Variants in CSNK2A2IP observed in about 807,000 individuals in gnomAD.
The protein encoded by CSNK2A2IP is casein kinase 2 subunit alpha' interacting protein.
chr3:88,346,099 GCCAAAGCCAAAT>G, the CSNK2A2IP span, among the ~76,000 whole-genome samples: 1 of 151,994 alleles, frequency 6.6e-6, no homozygotes, highest in Admixed American at 6.6e-5. Flanking sequence ...ATTCCCTCAA[GCCAAAGCCAAAT>G]CCAGAGCAAG....
chr3:88,465,736 G>A, the CSNK2A2IP span: 1 of 1,231,686 alleles, frequency 8.1e-7, no homozygotes, highest in Non-Finnish European at 1.0e-6. Flanking sequence ...GCACTCCAAA[G>A]CTCAAACAAC....
At chr3:88,365,744 C>G in the CSNK2A2IP span, among the ~76,000 whole-genome samples, 1 of 152,084 alleles carries the variant, frequency 6.6e-6, no homozygotes, top group Admixed American at 6.6e-5. Context: ...ATAGGGTCAC[C>G]TGAAGCTTCT....
the CSNK2A2IP span, among the ~76,000 whole-genome samples, chr3:88,432,597 AT>A: frequency 6.6e-6 from 1 of 151,718 alleles, no homozygotes; most frequent in Non-Finnish European, 1.5e-5. Context: ...AGATAAGTAT[AT>A]CAAAACATGC....
chr3:88,401,977 G>A, the CSNK2A2IP span, among the ~76,000 whole-genome samples: 1 of 151,434 alleles, frequency 6.6e-6, no homozygotes, highest in African/African-American at 2.4e-5. Context: ...AAATGGGATG[G>A]GGGAACTGTC....
the CSNK2A2IP span, among the ~76,000 whole-genome samples, chr3:88,404,179 G>T: frequency 6.6e-6 from 1 of 152,072 alleles, no homozygotes; most frequent in Admixed American, 6.6e-5. Flanking sequence ...TGGGGAAGAA[G>T]CCCATAGACA....
the CSNK2A2IP span, among the ~76,000 whole-genome samples, chr3:88,374,795 C>T: frequency 1.3e-5 from 2 of 151,758 alleles, no homozygotes; most frequent in African/African-American, 4.8e-5. Context: ...TTGGGATCCA[C>T]TGTTGCTTCT....
chr3:88,380,734 C>T, the CSNK2A2IP span, among the ~76,000 whole-genome samples: 3 of 151,140 alleles, frequency 2.0e-5, no homozygotes, highest in Non-Finnish European at 4.4e-5. Context: ...AAGAAAGGAA[C>T]ATAATAACTA....
At chr3:88,394,112 GT>G in the CSNK2A2IP span, among the ~76,000 whole-genome samples, 566 of 152,262 alleles carry the variant, frequency 3.7e-3, 1 homozygote, top group Non-Finnish European at 5.5e-3. Context: ...AGAGCATTCA[GT>G]AAAAATTTAA....
chr3:88,358,165 CT>C, the CSNK2A2IP span, among the ~76,000 whole-genome samples: 2 of 152,086 alleles, frequency 1.3e-5, no homozygotes, highest in Non-Finnish European at 2.9e-5. Context: ...AGAAATGCTA[CT>C]GATTTTTGTA....
chr3:88,449,044 C>G, the CSNK2A2IP span, among the ~76,000 whole-genome samples: 3 of 152,088 alleles, frequency 2.0e-5, no homozygotes, highest in East Asian at 5.8e-4. Context: ...CCCTCTCTCT[C>G]CCTTTCTTCT....
the CSNK2A2IP span, among the ~76,000 whole-genome samples, chr3:88,463,655 A>G: frequency 2.6e-3 from 398 of 152,094 alleles, 2 homozygotes; most frequent in African/African-American, 8.9e-3. Context: ...GGAAACAACA[A>G]GTGCTGGAGA....
chr3:88,425,013 C>T, the CSNK2A2IP span, among the ~76,000 whole-genome samples: 4 of 151,994 alleles, frequency 2.6e-5, no homozygotes, highest in African/African-American at 7.2e-5. Context: ...GAATTACAAA[C>T]ACAAACTTAT....
chr3:88,351,972 A>C, the CSNK2A2IP span, among the ~76,000 whole-genome samples: 1 of 152,062 alleles, frequency 6.6e-6, no homozygotes, highest in African/African-American at 2.4e-5. Flanking sequence ...TAAAACGTTT[A>C]TTATTTTTGT....
chr3:88,459,525 G>A, the CSNK2A2IP span, among the ~76,000 whole-genome samples: 1 of 151,936 alleles, frequency 6.6e-6, no homozygotes, highest in African/African-American at 2.4e-5. Flanking sequence ...CAAAGGTTAT[G>A]TCTCATTTTT....
chr3:88,427,581 C>A, the CSNK2A2IP span, among the ~76,000 whole-genome samples: 133 of 152,238 alleles, frequency 8.7e-4, 1 homozygote, highest in African/African-American at 3.1e-3. Flanking sequence ...TGATGCTTTG[C>A]GTAGTCTTGG....
chr3:88,406,337 A>G, the CSNK2A2IP span, among the ~76,000 whole-genome samples: 1 of 152,228 alleles, frequency 6.6e-6, no homozygotes, highest in Non-Finnish European at 1.5e-5. Context: ...TTGAACCTTT[A>G]GAATTCAATG....
the CSNK2A2IP span, among the ~76,000 whole-genome samples, chr3:88,430,773 A>G: frequency 6.6e-6 from 1 of 152,130 alleles, no homozygotes; most frequent in Admixed American, 6.5e-5. Context: ...CAAAAACAAC[A>G]TGGAAAAAAA....
At chr3:88,381,334 T>A in the CSNK2A2IP span, among the ~76,000 whole-genome samples, 2 of 152,058 alleles carry the variant, frequency 1.3e-5, no homozygotes. Context: ...ATTTGGAAAA[T>A]CAAGCAGAAT....
At chr3:88,410,882 G>A in the CSNK2A2IP span, among the ~76,000 whole-genome samples, 102 of 152,026 alleles carry the variant, frequency 6.7e-4, no homozygotes, top group Admixed American at 1.1e-3. Flanking sequence ...GAGAGCGGAA[G>A]CAAAACAAAC....
Sources: gnomAD v4.1 joint callset for allele counts (sites outside exome capture counted in the v4.1 genomes callset) on GRCh38, gnomAD v4.1.1 for gene constraint, MANE v1.5 for transcripts, NCBI Gene and HGNC (gene_info 2026-07-23, HGNC 2026-07-21) for gene names.